The following CYREN variants were observed in gnomAD, a reference collection of about 807,000 sequenced individuals.
CYREN encodes cell cycle regulator of NHEJ, also known as cell cycle regulator of non-homologous end joining.
A neutral mutation model predicts 9.7 loss-of-function variants in CYREN; 7 were observed. That is an observed-to-expected ratio of 0.72 (90% confidence interval 0.41 to 1.36). The LOEUF (loss-of-function observed/expected upper bound fraction) is 1.36. Among genes scored for constraint, CYREN ranks in the 40% most tolerant of loss-of-function variants. The pLI, the probability that CYREN is intolerant of heterozygous loss-of-function variation, is 0.01. For synonymous variants in CYREN, 76 were observed against 77.9 expected (o/e 0.98, Z 0.13); for missense variants, 215 against 198.1 (o/e 1.09, Z -0.51).
chr7:135,158,265 G>C (rs1334299508), intron 2 of CYREN, among the ~76,000 whole-genome samples: 1 of 152,238 alleles, frequency 6.6e-6, no homozygotes, highest in Non-Finnish European at 1.5e-5. Context: ...ATGTTGCAGA[G>C]CAGTGGGTAT....
intron 2 of CYREN, among the ~76,000 whole-genome samples, chr7:135,110,974 A>C (rs1374057443): frequency 6.6e-6 from 1 of 152,236 alleles, no homozygotes; most frequent in Non-Finnish European, 1.5e-5. Flanking sequence ...TGCATAATTT[A>C]TATATACATA....
At chr7:135,149,373 C>A (rs548379516) in intron 2 of CYREN, among the ~76,000 whole-genome samples, 2 of 152,186 alleles carry the variant, frequency 1.3e-5, no homozygotes, top group South Asian at 4.1e-4. Context: ...TGATTTTATA[C>A]CTGCTTTTTC....
chr7:135,102,252 A>G (rs946776082), intron 2 of CYREN, among the ~76,000 whole-genome samples: 1 of 152,200 alleles, frequency 6.6e-6, no homozygotes, highest in Non-Finnish European at 1.5e-5. Context: ...TGGAACATAA[A>G]GTTTCTTCAT....
chr7:135,129,249 A>G, intron 2 of CYREN: 3 of 1,518,996 alleles, frequency 2.0e-6, no homozygotes, highest in Non-Finnish European at 2.7e-6. Context: ...CATCATGGGT[A>G]TCTGCTCCAG....
intron 2 of CYREN, among the ~76,000 whole-genome samples, chr7:135,118,520 C>T (rs1412753492): frequency 6.6e-6 from 1 of 152,152 alleles, no homozygotes. Context: ...TATCTCCCCA[C>T]TCCCTGAGCT....
At chr7:135,164,487 A>C, downstream of CYREN, 1 of 1,606,182 alleles carries the variant, frequency 6.2e-7, no homozygotes, top group Non-Finnish European at 8.5e-7. Context: ...GCTGTTCATG[A>C]GCATCATAGT....
intron 2 of CYREN, among the ~76,000 whole-genome samples, chr7:135,149,414 C>A (rs1407375578): frequency 6.6e-6 from 1 of 152,178 alleles, no homozygotes; most frequent in African/African-American, 2.4e-5. Context: ...ATCCTTGATA[C>A]ATCATAGTTT....
intron 2 of CYREN, among the ~76,000 whole-genome samples, chr7:135,121,889 G>A (rs1469434757): frequency 2.6e-5 from 4 of 152,202 alleles, no homozygotes; most frequent in Admixed American, 2.0e-4. Context: ...TTTTTCCACA[G>A]AACTGTGAAA....
At chr7:135,127,825 G>A (rs6972087) in intron 2 of CYREN, among the ~76,000 whole-genome samples, 73,761 of 151,884 alleles carry the variant, frequency 0.49, 18,269 homozygotes, top group South Asian at 0.66. Flanking sequence ...CCATTACTGG[G>A]TATATACCCA....
At chr7:135,104,326 T>C (rs1824316848) in intron 2 of CYREN, among the ~76,000 whole-genome samples, 1 of 152,226 alleles carries the variant, frequency 6.6e-6, no homozygotes, top group African/African-American at 2.4e-5. Context: ...TTGATAGGCA[T>C]CTAGGTTGAT....
At chr7:135,108,312 T>A (rs2117104194) in intron 2 of CYREN, among the ~76,000 whole-genome samples, 1 of 152,328 alleles carries the variant, frequency 6.6e-6, no homozygotes, top group Admixed American at 6.5e-5. Flanking sequence ...ATAGTGTCAC[T>A]GGTCTACGTA....
intron 2 of CYREN, among the ~76,000 whole-genome samples, chr7:135,126,776 C>T (rs1395003543): frequency 3.3e-5 from 5 of 152,180 alleles, no homozygotes; most frequent in Non-Finnish European, 5.9e-5. Flanking sequence ...GGAAAGGATT[C>T]CCTGTTCAAT....
rs761424217 is a variant in CYREN at position 135,134,924 on chromosome 7, G to T, written n.356+33825C>A. 63 of 1,550,972 alleles carry T rather than the reference G, an allele frequency of 4.1e-5. No individual in the cohort carries two copies. The highest frequency in any genetic ancestry group is 5.4e-5 in the Non-Finnish European group (62 of 1,146,648). On this transcript the variant is annotated intron_variant and non_coding_transcript_variant, in intron 2 of 2. Transcript: ENST00000459937. ...AGAAATCACCCTTTTGTAATCCAAG[G>T]GGATGTTATGGCAAACTCTTCAGAA...
rs764640941 is a variant in CYREN at position 135,168,886 on chromosome 7, G to A, written c.37C>T (p.Leu13Phe). The A allele has an allele frequency of 5.0e-6, 8 of 1,613,154 alleles. No individual in the cohort carries two copies. The highest frequency in any genetic ancestry group is 6.8e-6 in the Non-Finnish European group (8 of 1,179,528). ...ACCTGGGCTGTCAGCCATGAGGGAA[G>A]GACCCTCGTTTTAGTCTCGGATTGT... ...TLQSETKTRV[L>F]PSWLTAQVAT... Residue 13 changes from leucine to phenylalanine, a missense_variant, in exon 2 of 4, where the codon CTT becomes TTT. Leu to Phe is a conservative substitution (Grantham distance 22). Transcript: ENST00000393114.
intron 2 of CYREN, chr7:135,152,865 G>A (rs930314965): frequency 5.3e-5 from 8 of 152,140 alleles, no homozygotes; most frequent in Non-Finnish European, 7.3e-5. Context: ...AGTTCCATGC[G>A]GCAGTCCTCA....
downstream of CYREN, chr7:135,164,560 C>T (rs1348814666): frequency 1.9e-6 from 3 of 1,614,226 alleles, no homozygotes; most frequent in South Asian, 2.2e-5. Flanking sequence ...GGCAACCTCA[C>T]TGACCTGCCC....
At chr7:135,140,710 C>T (rs1019431863) in intron 2 of CYREN, among the ~76,000 whole-genome samples, 3 of 151,868 alleles carry the variant, frequency 2.0e-5, no homozygotes, top group African/African-American at 4.8e-5. Context: ...TCATAGGTGG[C>T]TCTTATTATT....
At chr7:135,100,519 G>C (rs182936764) in intron 2 of CYREN, among the ~76,000 whole-genome samples, 3 of 152,266 alleles carry the variant, frequency 2.0e-5, no homozygotes, top group Admixed American at 2.0e-4. Context: ...ACAACAGAGA[G>C]ACCATGGTAT....
chr7:135,127,877 T>C (rs2117303512), intron 2 of CYREN, among the ~76,000 whole-genome samples: 1 of 152,270 alleles, frequency 6.6e-6, no homozygotes, highest in South Asian at 2.1e-4. Context: ...CATGCACACA[T>C]ATGTTTATTG....
Sources: allele counts gnomAD v4.1 joint callset (sites outside exome capture counted in the v4.1 genomes callset), GRCh38; gene constraint gnomAD v4.1.1; transcripts MANE v1.5; gene names NCBI Gene and HGNC (gene_info 2026-07-23, HGNC 2026-07-21).